MYOZ2: variants seen among roughly 807,000 people sequenced by gnomAD.
MYOZ2 encodes myozenin 2, also known as myozenin-2.
In MYOZ2, 19 loss-of-function variants were observed where a neutral mutation model predicts 25.4. That is an observed-to-expected ratio of 0.75 (90% confidence interval 0.52 to 1.10). MYOZ2 has a LOEUF of 1.10. Ranked by LOEUF, MYOZ2 falls within the 50% of genes least tolerant of loss-of-function variation. The pLI is 0.00. For synonymous variants in MYOZ2, 92 were observed against 106.9 expected (o/e 0.86, Z 0.86); for missense variants, 270 against 317.9 (o/e 0.85, Z 1.15).
intron 5 of MYOZ2, among the ~76,000 whole-genome samples, chr4:119,176,220 T>C (rs1742069166): frequency 6.9e-6 from 1 of 144,380 alleles, no homozygotes; most frequent in South Asian, 2.3e-4. Context: ...GAATCAACCA[T>C]TGAACAAACT....
chr4:119,165,638 G>A (rs927085800), intron 5 of MYOZ2, among the ~76,000 whole-genome samples: 14 of 152,114 alleles, frequency 9.2e-5, no homozygotes, highest in Non-Finnish European at 1.3e-4. Context: ...TTTAAAGAGG[G>A]GTTGAGGAGT....
intron 4 of MYOZ2, among the ~76,000 whole-genome samples, chr4:119,160,849 A>G (rs1202898324): frequency 6.6e-6 from 1 of 151,874 alleles, no homozygotes; most frequent in East Asian, 1.9e-4. Flanking sequence ...TCAAATATTT[A>G]TTATTTCTTT....
In MYOZ2 at chr4:119,151,162, A is replaced by AT. The variant is rs34497965; in HGVS notation, c.246+131dup. ...TTCTTTCAATTTATTCTGTTAGGCT[A>AT]TTTTTTTTTTATCATAATGAATAGT... On this transcript the variant is annotated intron_variant, in intron 3 of 5. Transcript: ENST00000307128. 3,486 of 872,340 alleles carry AT rather than the reference A, an allele frequency of 4.0e-3. 17 individuals carry two copies. Among genetic ancestry groups the AT allele is most frequent in the East Asian group, 0.022 (781 of 36,068 alleles). 54.0% of individuals were successfully genotyped at this position (872,340 alleles called of 1,614,324 possible).
rs749869990 is a variant in MYOZ2, at chr4:119,150,993, C to A, written c.198C>A (p.Asp66Glu). 1.9e-6 allele frequency: 3 copies of A among 1,613,440 alleles called. No homozygotes were observed. In the South Asian group the frequency reaches 3.3e-5, roughly 18 times the overall value. The change falls in exon 3 of 6, where the codon GAC becomes GAA. Residue 66 changes from aspartate (D) to glutamate (E), a missense_variant. Transcript: ENST00000307128. ...TTAAGATGCGTCAAAGAAGATCTGA[C>A]AAATACACATTTGAAAATTTCCAGT... Reference protein sequence around the residue: ...RLFKMRQRRSDKYTFENFQYQ... With the variant: ...RLFKMRQRRSEKYTFENFQYQ...
intron 2 of MYOZ2, among the ~76,000 whole-genome samples, chr4:119,142,148 T>G (rs953074516): frequency 6.6e-6 from 1 of 152,212 alleles, no homozygotes; most frequent in Non-Finnish European, 1.5e-5. Context: ...TTGTAGAATT[T>G]GCAAATTTCT....
chr4:119,143,384 T>C (rs906228052), intron 2 of MYOZ2, among the ~76,000 whole-genome samples: 2 of 152,032 alleles, frequency 1.3e-5, no homozygotes, highest in African/African-American at 4.8e-5. Context: ...TTAGTAGAGA[T>C]GCGGTTTCAC....
In MYOZ2 at chr4:119,150,946, A is replaced by G. The variant is rs1578729964; in HGVS notation, c.151A>G (p.Ser51Gly). ...DIMLEELSHL[S>G]NRGARLFKMR... ...CATGTTGGAAGAATTATCCCATCTC[A>G]GTAACCGTGGTGCCAGGCTATTTAA... Residue 51 changes from serine (S) to glycine (G), a missense_variant, in exon 3 of 6, where the codon AGT becomes GGT. Ser to Gly is a moderately conservative substitution (Grantham distance 56). Coordinates refer to ENST00000307128, the MANE Select transcript of MYOZ2 (RefSeq NM_016599.5). 6.2e-7 allele frequency: 1 copy of G among 1,613,822 alleles called. No individual in the cohort carries two copies.
chr4:119,164,797 C>T lies in MYOZ2; in HGVS notation c.560+403C>T, dbSNP rs150671417. On this transcript the variant is annotated intron_variant, in intron 5 of 5. Transcript: ENST00000307128. The stretch of plus-strand genomic sequence containing the variant: ...GGCTATGAGAATTACTGTGTAACTC[C>T]AGATTCTATCTTACATTTTTGCAGG... Among the ~76,000 whole-genome samples the T allele has an allele frequency of 1.8e-3, 274 of 152,176 alleles. 1 individual carries two copies. The highest frequency in any genetic ancestry group is 3.4e-3 in the Admixed American group (52 of 15,286).
chr4:119,155,980 T>C (rs1464220676), intron 3 of MYOZ2, among the ~76,000 whole-genome samples: 1 of 152,166 alleles, frequency 6.6e-6, no homozygotes, highest in African/African-American at 2.4e-5. Flanking sequence ...GCTTGTGCTA[T>C]ATAAGACACC....
rs1741752996 is a variant in MYOZ2 at position 119,163,535 on chromosome 4, A to ACTC, written c.377-676_377-675insCTC. Among the ~76,000 whole-genome samples the ACTC allele has an allele frequency of 2.0e-5, 3 of 152,232 alleles. No individual in the cohort carries two copies. In the East Asian group the frequency reaches 5.8e-4, roughly 29 times the overall value. ...GACTTTTAAACAGTATTTACAGAAA[A>ACTC]TTCCCAGCTGTTATGGGAAGAATAA... On this transcript the variant is annotated intron_variant, in intron 4 of 5. Coordinates refer to ENST00000307128, the MANE Select transcript of MYOZ2 (RefSeq NM_016599.5).
intron 1 of MYOZ2, 135 bp from the exon 2 acceptor site, chr4:119,136,377 A>G: frequency 1.3e-6 from 1 of 757,546 alleles, no homozygotes; most frequent in Non-Finnish European, 2.3e-6. Context: ...AGGAATGCGT[A>G]TTGAAGTCTT....
At chr4:119,140,063 T>C (rs1363546435) in intron 2 of MYOZ2, among the ~76,000 whole-genome samples, 1 of 152,160 alleles carries the variant, frequency 6.6e-6, no homozygotes, top group Non-Finnish European at 1.5e-5. Flanking sequence ...AGACGAGACA[T>C]CAGATTTCAC....
At chr4:119,183,765 T>C (rs1017847527) in intron 5 of MYOZ2, among the ~76,000 whole-genome samples, 5 of 151,822 alleles carry the variant, frequency 3.3e-5, no homozygotes, top group Non-Finnish European at 7.4e-5. Flanking sequence ...ATACAAGTCA[T>C]CATTTCTTGC....
chr4:119,159,214 T>C (rs1741652395), intron 4 of MYOZ2, among the ~76,000 whole-genome samples: 1 of 152,052 alleles, frequency 6.6e-6, no homozygotes, highest in South Asian at 2.1e-4. Flanking sequence ...AGGATCACTT[T>C]AGGCCAGGAG....
rs538275541 is a variant in MYOZ2, at chr4:119,136,244, G to A, written c.-15+262G>A. On this transcript the variant is annotated intron_variant, in intron 1 of 5. Coordinates refer to ENST00000307128, the MANE Select transcript of MYOZ2 (RefSeq NM_016599.5). ...ATACTGTGGAGAAAAGAGAGGGAGG[G>A]GAAAGGAGACCAGCAATTTCATTGT... is the stretch of plus-strand genomic sequence containing the variant. Among the ~76,000 whole-genome samples, 4 of 152,210 alleles carry A rather than the reference G, an allele frequency of 2.6e-5. No individual in the cohort carries two copies. The South Asian group carries it at 6.2e-4, about 24-fold the overall frequency.
At chr4:119,150,091 T>G (rs1259596841) in intron 2 of MYOZ2, among the ~76,000 whole-genome samples, 1 of 152,190 alleles carries the variant, frequency 6.6e-6, no homozygotes, top group Non-Finnish European at 1.5e-5. Context: ...AGATTGTATC[T>G]CTTTTGGATT....
chr4:119,169,985 G>T (rs1402675108), intron 5 of MYOZ2, among the ~76,000 whole-genome samples: 1 of 152,052 alleles, frequency 6.6e-6, no homozygotes, highest in Non-Finnish European at 1.5e-5. Context: ...AATATTTTTT[G>T]TTGTTGTTGT....
chr4:119,151,650 T>TAA (rs1451563666), intron 3 of MYOZ2, among the ~76,000 whole-genome samples: 1 of 152,170 alleles, frequency 6.6e-6, no homozygotes, highest in Non-Finnish European at 1.5e-5. Context: ...TACATTCACT[T>TAA]AAACTGTCAT....
chr4:119,185,897 T>C (rs1742282247), intron 5 of MYOZ2, 69 bp from the exon 6 acceptor site: 9 of 1,290,086 alleles, frequency 7.0e-6, no homozygotes, highest in Non-Finnish European at 9.9e-6. Flanking sequence ...TATAAAATTA[T>C]GAAATTGTTT....
Sources: gnomAD v4.1 joint callset for allele counts (sites outside exome capture counted in the v4.1 genomes callset) on GRCh38, gnomAD v4.1.1 for gene constraint, MANE v1.5 for transcripts, NCBI Gene and HGNC (gene_info 2026-07-23, HGNC 2026-07-21) for gene names.